The following FER1L6 variants were observed in gnomAD, a reference collection of about 807,000 sequenced individuals.
FER1L6 encodes fer-1 like family member 6, also known as fer-1-like protein 6.
In FER1L6, 177 loss-of-function variants were observed where a neutral mutation model predicts 219.2. The ratio of observed to expected loss-of-function variants is 0.81; its 90% CI spans 0.71 to 0.91. The LOEUF is 0.91. Among genes scored for constraint, FER1L6 ranks in the 40% least tolerant of loss-of-function variants. FER1L6 has a pLI of 0.00. For missense variants in FER1L6, 2,153 were observed against 2,259.9 expected, an observed-to-expected ratio of 0.95 and a Z score of 0.96; for synonymous variants, 768 against 824.3, an observed-to-expected ratio of 0.93 and a Z score of 1.17.
chr8:124,058,833 A>C (rs1220984090), intron 22 of FER1L6: 31 of 152,272 alleles, frequency 2.0e-4, no homozygotes, highest in Non-Finnish European at 2.9e-5. Flanking sequence ...CTCATTATTT[A>C]CCAGCTTCTT....
At chr8:123,983,775 T>C (rs1285965308) in intron 11 of FER1L6, among the ~76,000 whole-genome samples, 3 of 152,212 alleles carry the variant, frequency 2.0e-5, no homozygotes, top group African/African-American at 7.2e-5. Flanking sequence ...AATGAATATA[T>C]GCAAATATGC....
intron 37 of FER1L6, among the ~76,000 whole-genome samples, chr8:124,099,319 G>A (rs1227191048): frequency 4.8e-5 from 7 of 147,064 alleles, no homozygotes; most frequent in African/African-American, 1.8e-4. Context: ...AACTGAACAA[G>A]TCTAAAACCA....
At chr8:123,940,043 A>G (rs1169516676) in intron 1 of FER1L6, among the ~76,000 whole-genome samples, 3 of 152,214 alleles carry the variant, frequency 2.0e-5, no homozygotes, top group Admixed American at 1.3e-4. Flanking sequence ...TGTCTTATTC[A>G]TCATTGCCCT....
At chr8:123,855,790 A>G (rs73339577) in intron 1 of FER1L6, among the ~76,000 whole-genome samples, 60,544 of 136,708 alleles carry the variant, frequency 0.44, 12,990 homozygotes, top group East Asian at 0.6. Context: ...GTGTGTGTGT[A>G]TATATATATA....
intron 33 of FER1L6, among the ~76,000 whole-genome samples, chr8:124,085,605 TA>T (rs1013680244): frequency 9.2e-5 from 14 of 151,860 alleles, no homozygotes; most frequent in Non-Finnish European, 1.9e-4. Flanking sequence ...AATTTCAATT[TA>T]AAAAAAATTT....
At chr8:124,009,689 A>G (rs1315425982) in intron 13 of FER1L6, among the ~76,000 whole-genome samples, 1 of 152,082 alleles carries the variant, frequency 6.6e-6, no homozygotes, top group African/African-American at 2.4e-5. Flanking sequence ...TCTGAGGGTC[A>G]TTGATCGGGA....
intron 21 of FER1L6, among the ~76,000 whole-genome samples, chr8:124,048,221 G>C (rs929327051): frequency 6.6e-6 from 1 of 152,224 alleles, no homozygotes; most frequent in Non-Finnish European, 1.5e-5. Flanking sequence ...CAGGAGTCCA[G>C]AGACAATGAA....
At chr8:123,957,131 G>C (rs189059305) in intron 2 of FER1L6, among the ~76,000 whole-genome samples, 1 of 152,344 alleles carries the variant, frequency 6.6e-6, no homozygotes, top group African/African-American at 2.4e-5. Flanking sequence ...TGGGAGGCCT[G>C]CTTCACTGCC....
chr8:123,939,354 T>C (rs967094751), intron 1 of FER1L6, among the ~76,000 whole-genome samples: 11 of 152,214 alleles, frequency 7.2e-5, no homozygotes, highest in African/African-American at 2.4e-4. Context: ...AAATGGAGCC[T>C]CCTTATTAGT....
In FER1L6 at chr8:124,097,789, G is replaced by A. The variant is rs374805427; in HGVS notation, c.4789G>A (p.Glu1597Lys). 8.9e-6 allele frequency: 14 copies of A among 1,567,340 alleles called. No individual in the cohort carries two copies. The highest frequency in any genetic ancestry group is 6.8e-5 in the African/African-American group (5 of 73,932). The change falls in exon 37 of 41, where the codon GAA becomes AAA. Residue 1597 changes from glutamate to lysine, a missense_variant. Glu to Lys is a moderately conservative substitution (Grantham distance 56). Coordinates refer to ENST00000522917, the MANE Select transcript of FER1L6 (RefSeq NM_001039112.2). ...TGCTTCCTTCTCCCATCCCAGATAC[G>A]AATTGAGAGTGACCATCTGGAACAC... ...DISPRRPKGYELRVTIWNTED... is the reference protein window; with the variant it reads ...DISPRRPKGYKLRVTIWNTED...
Position 124,069,442 on chromosome 8 carries a change from AGAT to A in FER1L6, c.3806_3808del (p.Asp1269del), listed in dbSNP as rs1563779606. ...ACAAAATGCTCAAGAAGAAACCCAA[AGAT>A]GATGGAATCCCCAACCTGGCCATCT... On this transcript the variant is annotated inframe_deletion, in exon 29 of 41. Coordinates refer to ENST00000522917, the MANE Select transcript of FER1L6 (RefSeq NM_001039112.2). 1.9e-6 allele frequency: 3 copies of A among 1,611,224 alleles called. No individual in the cohort carries two copies. The highest frequency in any genetic ancestry group is 1.7e-5 in the Admixed American group (1 of 59,478).
Position 124,049,715 on chromosome 8 carries a change from C to T in FER1L6, c.2833C>T (p.Leu945Phe). Residue 945 changes from leucine to phenylalanine, a missense_variant, in exon 22 of 41, where the codon CTC becomes TTC. Physicochemically the swap from Leu to Phe is conservative, Grantham distance 22. Transcript: ENST00000522917. ...LCYHPIFCGNLSGGDLLAVFE... is the reference protein window; with the variant it reads ...LCYHPIFCGNFSGGDLLAVFE... The stretch of plus-strand genomic sequence containing the variant: ...CTATCACCCCATCTTTTGTGGGAAT[C>T]TCTCTGGAGGGGATCTCCTTGCTGT... 6.2e-7 allele frequency: 1 copy of T among 1,614,098 alleles called. No individual in the cohort carries two copies. Among genetic ancestry groups the T allele is most frequent in the Non-Finnish European group, 8.5e-7 (1 of 1,179,990 alleles).
intron 1 of FER1L6, among the ~76,000 whole-genome samples, chr8:123,855,032 A>G (rs1027193894): frequency 1.3e-5 from 2 of 150,294 alleles, no homozygotes; most frequent in Admixed American, 6.6e-5. Context: ...AGGAGACCCT[A>G]TTACTCTCAG....
intron 39 of FER1L6, among the ~76,000 whole-genome samples, chr8:124,107,065 C>T (rs1339294756): frequency 6.6e-6 from 1 of 151,510 alleles, no homozygotes; most frequent in Non-Finnish European, 1.5e-5. Context: ...TCTCCTGTCT[C>T]AGCCTCCCTA....
chr8:124,111,364 G>A lies in FER1L6; in HGVS notation c.5290-7480G>A. On this transcript the variant is annotated intron_variant, in intron 39 of 40. Coordinates refer to ENST00000522917, the MANE Select transcript of FER1L6 (RefSeq NM_001039112.2). This position sits in a 1 kb window ranked among gnomAD's most constrained non-coding sequence, Gnocchi z 5.0. The stretch of plus-strand genomic sequence containing the variant: ...GCTGAGCAGCGTGGAACCTGGTCCT[G>A]AAAGCCCTGCTTTGGCCTGCAGAAG... 6.6e-6 allele frequency among the ~76,000 whole-genome samples: 1 copy of A among 152,158 alleles called. No individual in the cohort carries two copies. The highest frequency in any genetic ancestry group is 1.9e-4 in the East Asian group (1 of 5,186).
At chr8:123,861,427 C>T (rs1816743050) in intron 1 of FER1L6, among the ~76,000 whole-genome samples, 1 of 148,952 alleles carries the variant, frequency 6.7e-6, no homozygotes. Context: ...ATGCCTCCAG[C>T]TTTGTTCTTT....
chr8:123,951,834 G>A (rs1346668900), intron 1 of FER1L6, among the ~76,000 whole-genome samples: 1 of 152,230 alleles, frequency 6.6e-6, no homozygotes, highest in Non-Finnish European at 1.5e-5. Flanking sequence ...GAGGTGCACA[G>A]GTAACCTGTA....
intron 1 of FER1L6, among the ~76,000 whole-genome samples, chr8:123,902,422 A>AT (rs1812876233): frequency 6.6e-6 from 1 of 152,070 alleles, no homozygotes; most frequent in South Asian, 2.1e-4. Flanking sequence ...GTCCCCCACT[A>AT]TTATTGTGTT....
At position 123,951,117 on chromosome 8, in the gene FER1L6, T is replaced by C. The variant is rs1469514827; in HGVS notation, c.-7-4875T>C. ...TTTAAATTTCCTTTAGATTTCTCTT[T>C]GAGAGGATAGCTCATTGGTACTGTC... On this transcript the variant is annotated intron_variant, in intron 1 of 40. Coordinates refer to ENST00000522917, the MANE Select transcript of FER1L6 (RefSeq NM_001039112.2). Among the ~76,000 whole-genome samples the C allele has an allele frequency of 1.3e-5, 2 of 152,228 alleles. 1 individual carries two copies. The highest frequency in any genetic ancestry group is 2.9e-5 in the Non-Finnish European group (2 of 68,040).
Sources: allele counts gnomAD v4.1 joint callset (sites outside exome capture counted in the v4.1 genomes callset), GRCh38; gene constraint gnomAD v4.1.1; non-coding constraint Gnocchi (gnomAD v3.1); transcripts MANE v1.5; gene names NCBI Gene and HGNC (gene_info 2026-07-23, HGNC 2026-07-21).